CPA6: variants seen among roughly 807,000 people sequenced by gnomAD.
CPA6 encodes carboxypeptidase B.
In CPA6, 58 loss-of-function variants were observed where a neutral mutation model predicts 63.3. The ratio of observed to expected loss-of-function variants is 0.92; its 90% CI spans 0.74 to 1.14. CPA6 has a LOEUF of 1.14. Ranked by LOEUF, CPA6 falls within the 50% of genes most tolerant of loss-of-function variation. The pLI is 0.00. For synonymous variants in CPA6, 185 were observed against 179.0 expected, an observed-to-expected ratio of 1.03 and a Z score of -0.27; for missense variants, 565 against 526.6, an observed-to-expected ratio of 1.07 and a Z score of -0.71.
At chr8:67,525,638 T>G (rs1812344932) in intron 2 of CPA6, among the ~76,000 whole-genome samples, 1 of 152,212 alleles carries the variant, frequency 6.6e-6, no homozygotes, top group South Asian at 2.1e-4. Context: ...ACAAAGCGCA[T>G]GTGTTGGAAA....
chr8:67,498,993 G>A (rs897629935), intron 6 of CPA6, among the ~76,000 whole-genome samples: 1 of 152,108 alleles, frequency 6.6e-6, no homozygotes, highest in African/African-American at 2.4e-5. Flanking sequence ...TGTCAACTAG[G>A]AACTATCAAT....
At chr8:67,445,048 T>A (rs1025401441) in intron 8 of CPA6, among the ~76,000 whole-genome samples, 13 of 152,124 alleles carry the variant, frequency 8.5e-5, no homozygotes, top group Non-Finnish European at 1.9e-4. Flanking sequence ...TTAGAAAAGT[T>A]AGTGGAGTGG....
chr8:67,733,230 AAAT>A (rs1461903722), intron 1 of CPA6, among the ~76,000 whole-genome samples: 13 of 137,440 alleles, frequency 9.5e-5, no homozygotes, highest in Non-Finnish European at 1.6e-4. Flanking sequence ...AAAAATAAAA[AAAT>A]TTAGCGTCTA....
intron 2 of CPA6, among the ~76,000 whole-genome samples, chr8:67,590,937 G>A (rs1432424963): frequency 2.6e-5 from 4 of 152,196 alleles, no homozygotes; most frequent in South Asian, 2.1e-4. Context: ...TGCTTTTGGT[G>A]TTTTACACAT....
intron 2 of CPA6, among the ~76,000 whole-genome samples, chr8:67,523,047 G>T (rs993292973): frequency 6.6e-6 from 1 of 152,210 alleles, no homozygotes; most frequent in East Asian, 1.9e-4. Context: ...AGTGATTAGG[G>T]TGTGAATTCT....
At chr8:67,483,569 G>T in intron 8 of CPA6, 199 bp downstream of exon 8, 1 of 582,484 alleles carries the variant, frequency 1.7e-6, no homozygotes, top group Non-Finnish European at 3.1e-6. Context: ...TAAAATCCTT[G>T]ATTTTTATAT....
intron 1 of CPA6, among the ~76,000 whole-genome samples, chr8:67,687,515 C>A (rs1816731138): frequency 6.6e-6 from 1 of 151,950 alleles, no homozygotes; most frequent in Non-Finnish European, 1.5e-5. Flanking sequence ...GTCCTGGGAC[C>A]TTTTGCAAAT....
intron 1 of CPA6, among the ~76,000 whole-genome samples, chr8:67,684,153 A>G (rs183139059): frequency 2.6e-3 from 398 of 150,838 alleles, no homozygotes; most frequent in African/African-American, 9.3e-3. Flanking sequence ...CCTGCAAAGT[A>G]CTGGGATTAA....
intron 1 of CPA6, among the ~76,000 whole-genome samples, chr8:67,744,574 G>A (rs1817972390): frequency 6.6e-6 from 1 of 152,112 alleles, no homozygotes; most frequent in Non-Finnish European, 1.5e-5. Flanking sequence ...GGAGGAGTGA[G>A]GTCTTAGGTC....
chr8:67,451,622 G>A (rs967484391), intron 8 of CPA6, among the ~76,000 whole-genome samples: 10 of 152,146 alleles, frequency 6.6e-5, no homozygotes, highest in African/African-American at 2.4e-4. Context: ...TGGAAAAATT[G>A]TCTTCCATGA....
chr8:67,531,665 A>G (rs2128969102), intron 2 of CPA6, among the ~76,000 whole-genome samples: 1 of 152,280 alleles, frequency 6.6e-6, no homozygotes, highest in East Asian at 1.9e-4. Context: ...ACATTGATAC[A>G]ACAGCATCAA....
intron 1 of CPA6, among the ~76,000 whole-genome samples, chr8:67,687,929 C>G (rs1454897017): frequency 1.3e-5 from 2 of 152,088 alleles, no homozygotes; most frequent in Non-Finnish European, 2.9e-5. Flanking sequence ...AACTGGAACT[C>G]CTAGTATGAA....
intron 2 of CPA6, among the ~76,000 whole-genome samples, chr8:67,579,017 C>T (rs1251059646): frequency 2.0e-5 from 3 of 152,140 alleles, no homozygotes; most frequent in Non-Finnish European, 4.4e-5. Context: ...AGCCTACCAC[C>T]CAAACAATAA....
chr8:67,727,034 T>G (rs1292269343), intron 1 of CPA6, among the ~76,000 whole-genome samples: 1 of 152,198 alleles, frequency 6.6e-6, no homozygotes, highest in East Asian at 1.9e-4. Context: ...ATAGGGTTGA[T>G]TTTTTAAAAA....
chr8:67,595,551 C>T (rs1053102032), intron 2 of CPA6, among the ~76,000 whole-genome samples: 7 of 152,320 alleles, frequency 4.6e-5, no homozygotes, highest in Admixed American at 2.0e-4. Flanking sequence ...TCGAGCTTCC[C>T]GGCTGCTTTG....
At chr8:67,451,868 T>C (rs1810564097) in intron 8 of CPA6, among the ~76,000 whole-genome samples, 2 of 152,226 alleles carry the variant, frequency 1.3e-5, no homozygotes, top group South Asian at 4.1e-4. Flanking sequence ...ACGCTGAGTT[T>C]TTCCTAAGTT....
At chr8:67,548,092 T>C (rs1168937559) in intron 2 of CPA6, among the ~76,000 whole-genome samples, 1 of 150,616 alleles carries the variant, frequency 6.6e-6, no homozygotes, top group African/African-American at 2.4e-5. Flanking sequence ...TTTCTTTCTC[T>C]CTTTCTCTTT....
chr8:67,510,169 C>T (rs924828201), intron 4 of CPA6, among the ~76,000 whole-genome samples: 1 of 152,126 alleles, frequency 6.6e-6, no homozygotes, highest in Non-Finnish European at 1.5e-5. Context: ...GATAGTGATA[C>T]ATTTGCATTG....
chr8:67,548,173 CCTTT>C (rs1812862550), intron 2 of CPA6, among the ~76,000 whole-genome samples: 2 of 119,408 alleles, frequency 1.7e-5, no homozygotes, highest in African/African-American at 6.4e-5. Context: ...TTCCTTCCTT[CCTTT>C]CCTTCCCTTT....
Sources: gnomAD v4.1 joint callset for allele counts (sites outside exome capture counted in the v4.1 genomes callset) on GRCh38, gnomAD v4.1.1 for gene constraint, MANE v1.5 for transcripts, NCBI Gene and HGNC (gene_info 2026-07-23, HGNC 2026-07-21) for gene names.